Variants in ECE1 observed in about 807,000 individuals in gnomAD.
The protein encoded by ECE1 is endothelin converting enzyme 1, also known as endothelin-converting enzyme 1.
In ECE1, 35 loss-of-function variants were observed where a neutral mutation model predicts 98.6. The observed-to-expected ratio is 0.35, with a 90% CI of 0.27 to 0.47. ECE1 has a LOEUF of 0.47. ECE1 is among the 20% of genes least tolerant of loss of function. The pLI, the probability that ECE1 is intolerant of heterozygous loss-of-function variation, is 1.00. For missense variants in ECE1, 814 were observed against 1,025.3 expected (o/e 0.79, Z 2.81); for synonymous variants, 394 against 407.1 (o/e 0.97, Z 0.39).
rs938330933 is a variant in ECE1, at chr1:21,218,331, C to G, written c.*1624G>C. ...GGACCTGCCGGCCAGAGCTCCTGGG[C>G]TCCCGTGGAGGTTAGCCCTGCAGGC... On this transcript the variant is annotated 3_prime_UTR_variant, in exon 19 of 19. Coordinates refer to ENST00000374893, the MANE Select transcript of ECE1 (RefSeq NM_001397.3). The surrounding 1 kb of genome is among the most constrained non-coding windows in gnomAD (Gnocchi z 4.0). 2.6e-5 allele frequency: 4 copies of G among 152,460 alleles called. No homozygotes were observed. Among genetic ancestry groups the G allele is most frequent in the Non-Finnish European group, 5.9e-5 (4 of 68,212 alleles). The allele number at this position is 152,460 out of a possible 1,614,324, so 9.4% of individuals were successfully genotyped here.
chr1:21,255,548 G>T (rs1049980431), intron 8 of ECE1, among the ~76,000 whole-genome samples: 1 of 152,174 alleles, frequency 6.6e-6, no homozygotes, highest in Non-Finnish European at 1.5e-5. Flanking sequence ...TCAGAAAAGG[G>T]AAAAGTAATG....
At chr1:21,339,468 C>T (rs928774433) in intron 1 of ECE1, among the ~76,000 whole-genome samples, 1 of 152,166 alleles carries the variant, frequency 6.6e-6, no homozygotes, top group Admixed American at 6.5e-5. Context: ...TAGCTCCCGT[C>T]CCTAATTCCC....
rs1180083031 is a variant in ECE1, at chr1:21,238,316, T to G, written c.1279-72A>C. 4 of 1,205,088 alleles carry G rather than the reference T, an allele frequency of 3.3e-6. No homozygotes were observed. The African/African-American group carries it at 6.0e-5, about 18-fold the overall frequency. The allele number at this position is 1,205,088 out of a possible 1,614,324, so 74.6% of individuals were successfully genotyped here. On this transcript the variant is annotated intron_variant, in intron 10 of 18. Transcript: ENST00000374893. ...TCCCAACCCCTTTCTTGCTGGGAGG[T>G]AGCACCATGTGGGGCCCATGCTTTG...
At position 21,225,338 on chromosome 1, in the gene ECE1, T is replaced by G; in HGVS notation, c.1952A>C (p.Asn651Thr). The G allele has an allele frequency of 5.0e-6, 8 of 1,614,200 alleles. No individual in the cohort carries two copies. The highest frequency in any genetic ancestry group is 6.8e-6 in the Non-Finnish European group (8 of 1,180,022). ...CACCGGCTCCCCGTTCACGCTGTAG[T>G]TGCTGTACTGCTCTACCATGCACTC... is the stretch of plus-strand genomic sequence containing the variant. ...QTECMVEQYS[N>T]YSVNGEPVNG... is the part of the protein sequence containing the mutation. Residue 651 changes from asparagine to threonine, a missense_variant, in exon 17 of 19, where the codon AAC becomes ACC. Coordinates refer to ENST00000374893, the MANE Select transcript of ECE1 (RefSeq NM_001397.3). The surrounding 1 kb of genome is among the most constrained non-coding windows in gnomAD (Gnocchi z 5.3).
chr1:21,254,651 G>T (rs776437728), intron 8 of ECE1, among the ~76,000 whole-genome samples: 1 of 152,146 alleles, frequency 6.6e-6, no homozygotes, highest in African/African-American at 2.4e-5. Flanking sequence ...CTCAGGCTGA[G>T]AAATCGGCTG....
At chr1:21,270,296 A>G (rs1048418348) in intron 4 of ECE1, among the ~76,000 whole-genome samples, 1 of 152,220 alleles carries the variant, frequency 6.6e-6, no homozygotes, top group African/African-American at 2.4e-5. Flanking sequence ...CAGTGGCTCT[A>G]AAGAGCATGG....
intron 4 of ECE1, among the ~76,000 whole-genome samples, chr1:21,268,792 G>C (rs975093596): frequency 1.3e-5 from 2 of 152,188 alleles, no homozygotes; most frequent in African/African-American, 4.8e-5. Flanking sequence ...TTAAGCCCAA[G>C]AATGCACTGG....
intron 1 of ECE1, among the ~76,000 whole-genome samples, chr1:21,325,678 T>G (rs540681107): frequency 2.4e-4 from 37 of 152,370 alleles, no homozygotes; most frequent in African/African-American, 8.7e-4. Context: ...ACCCACTTCC[T>G]TGGAGCTGAC....
upstream of ECE1, among the ~76,000 whole-genome samples, chr1:21,292,344 A>G (rs1033581353): frequency 1.8e-4 from 27 of 151,024 alleles, no homozygotes; most frequent in African/African-American, 6.3e-4. Flanking sequence ...AGTTTCTACA[A>G]GTTTCTTCTT....
intron 11 of ECE1, 49 bp downstream of exon 11, chr1:21,238,085 C>G (rs755937577): frequency 2.6e-6 from 4 of 1,542,112 alleles, no homozygotes; most frequent in Non-Finnish European, 3.6e-6. Flanking sequence ...TCTGTGCAGG[C>G]CACAACAAGT....
intron 7 of ECE1, 40 bp from the exon 8 acceptor site, chr1:21,256,178 C>T (rs764924508): frequency 1.9e-6 from 3 of 1,570,262 alleles, no homozygotes; most frequent in Non-Finnish European, 2.6e-6. Flanking sequence ...GGCTGCCCCC[C>T]CACTATCCAC....
chr1:21,279,593 T>C (rs560990469), intron 2 of ECE1: 2 of 1,436,034 alleles, frequency 1.4e-6, no homozygotes, highest in African/African-American at 1.4e-5. Context: ...TGTCACTCGA[T>C]ATGAGTGGAA....
At chr1:21,229,979 TG>T (rs1031789933) in intron 14 of ECE1, among the ~76,000 whole-genome samples, 1 of 151,982 alleles carries the variant, frequency 6.6e-6, no homozygotes, top group African/African-American at 2.4e-5. Context: ...GAGACCAGCC[TG>T]GGCAAAAAAA....
At chr1:21,284,383 A>G (rs1257158762) in intron 2 of ECE1, among the ~76,000 whole-genome samples, 3 of 152,224 alleles carry the variant, frequency 2.0e-5, no homozygotes, top group Non-Finnish European at 4.4e-5. Flanking sequence ...AAGATGCAGA[A>G]TCACTGCAGA....
chr1:21,227,073 G>T (rs2098175271), intron 16 of ECE1, 86 bp downstream of exon 16: 3 of 1,386,452 alleles, frequency 2.2e-6, no homozygotes, highest in Non-Finnish European at 3.1e-6. Flanking sequence ...GCCCAGGCTG[G>T]TCTCAAACTC....
intron 1 of ECE1, chr1:21,298,543 G>C: frequency 3.0e-6 from 1 of 336,854 alleles, no homozygotes; most frequent in South Asian, 2.3e-5. Context: ...AGTGAGCCAC[G>C]GAAAGGCCTC....
rs756883536 is a variant in ECE1 at position 21,290,030 on chromosome 1, C to T, written c.138+40G>A. The T allele has an allele frequency of 1.5e-6, 2 of 1,334,304 alleles. No homozygotes were observed. The highest frequency in any genetic ancestry group is 1.9e-5 in the South Asian group (1 of 53,802). 82.7% of individuals were successfully genotyped at this position (1,334,304 alleles called of 1,614,324 possible). On this transcript the variant is annotated intron_variant, in intron 2 of 18. Transcript: ENST00000374893. This position sits in a 1 kb window ranked among gnomAD's most constrained non-coding sequence, Gnocchi z 7.3. ...CAGCGGCAGCGCGCATGCCCGGGCC[C>T]GGGGCGCCTGGACCTCGGGAGGGAG... is the stretch of plus-strand genomic sequence containing the variant.
chr1:21,268,610 C>A (rs1191945422), intron 4 of ECE1, among the ~76,000 whole-genome samples: 1 of 152,252 alleles, frequency 6.6e-6, no homozygotes, highest in Non-Finnish European at 1.5e-5. Context: ...ACAATCCACA[C>A]TGGCACTCTA....
chr1:21,320,801 C>G (rs773441456), intron 1 of ECE1, among the ~76,000 whole-genome samples: 1 of 152,236 alleles, frequency 6.6e-6, no homozygotes, highest in Non-Finnish European at 1.5e-5. Flanking sequence ...CCTGAGGTCC[C>G]CAGCCTCCTC....
Sources: gnomAD v4.1 joint callset for allele counts (sites outside exome capture counted in the v4.1 genomes callset) on GRCh38, gnomAD v4.1.1 for gene constraint, Gnocchi (gnomAD v3.1) non-coding constraint, MANE v1.5 for transcripts, NCBI Gene and HGNC (gene_info 2026-07-23, HGNC 2026-07-21) for gene names.